The following CHCHD3 variants were observed in gnomAD, a reference collection of about 807,000 sequenced individuals.
CHCHD3 encodes the protein coiled-coil-helix-coiled-coil-helix domain containing 3, also known as MICOS complex subunit MIC19.
CHCHD3 carries 20 observed loss-of-function variants against 38.2 expected under a neutral mutation model. The observed-to-expected ratio is 0.52, with a 90% confidence interval of 0.37 to 0.76. CHCHD3 has a LOEUF of 0.76. CHCHD3 is among the 30% of genes least tolerant of loss of function. The pLI, the probability that CHCHD3 is intolerant of heterozygous loss-of-function variation, is 0.00. For missense variants in CHCHD3, 245 were observed against 279.2 expected, an observed-to-expected ratio of 0.88 and a Z score of 0.87; for synonymous variants, 82 against 100.0, an observed-to-expected ratio of 0.82 and a Z score of 1.07.
At chr7:132,792,138 C>G (rs1806476978) in intron 7 of CHCHD3, among the ~76,000 whole-genome samples, 1 of 152,148 alleles carries the variant, frequency 6.6e-6, no homozygotes, top group South Asian at 2.1e-4. Flanking sequence ...GCCTCTGGTC[C>G]CAGTTTGCCC....
chr7:132,812,571 C>A (rs1413697336), intron 6 of CHCHD3, among the ~76,000 whole-genome samples: 1 of 152,214 alleles, frequency 6.6e-6, no homozygotes, highest in Non-Finnish European at 1.5e-5. Context: ...TAACCACTTG[C>A]CTGGACTATT....
intron 4 of CHCHD3, among the ~76,000 whole-genome samples, chr7:132,950,682 T>C (rs574692569): frequency 3.9e-5 from 6 of 152,296 alleles, no homozygotes; most frequent in African/African-American, 1.4e-4. Context: ...TTTTTTTCAT[T>C]AACTATTTTA....
At chr7:132,927,912 G>A (rs962790664) in intron 4 of CHCHD3, among the ~76,000 whole-genome samples, 7 of 152,224 alleles carry the variant, frequency 4.6e-5, no homozygotes, top group Admixed American at 3.9e-4. Context: ...TACCCTGAAG[G>A]ATCTCCTAAC....
chr7:132,983,916 G>C (rs1350190147), intron 3 of CHCHD3, among the ~76,000 whole-genome samples: 1 of 151,844 alleles, frequency 6.6e-6, no homozygotes, highest in Non-Finnish European at 1.5e-5. Flanking sequence ...TGCATGTTTT[G>C]AGAAATACCT....
intron 1 of CHCHD3, among the ~76,000 whole-genome samples, chr7:133,071,039 A>G (rs1320724801): frequency 6.6e-6 from 1 of 152,212 alleles, no homozygotes; most frequent in East Asian, 1.9e-4. Context: ...TAGACATCCA[A>G]GTGGAGATAT....
intron 3 of CHCHD3, among the ~76,000 whole-genome samples, chr7:132,987,686 G>C (rs764824085): frequency 6.6e-6 from 1 of 152,176 alleles, no homozygotes; most frequent in Non-Finnish European, 1.5e-5. Context: ...ACCCATCTAA[G>C]ATATAGTCAC....
intron 6 of CHCHD3, among the ~76,000 whole-genome samples, chr7:132,829,554 T>C (rs1389561503): frequency 6.6e-6 from 1 of 152,196 alleles, no homozygotes; most frequent in Non-Finnish European, 1.5e-5. Context: ...ATCATTTACA[T>C]GTTTACACAT....
Position 133,035,347 on chromosome 7 carries a change from G to A in CHCHD3, c.170-10720C>T, listed in dbSNP as rs1813640364. 1 of 1,610,078 alleles carries A rather than the reference G, an allele frequency of 6.2e-7. No individual in the cohort carries two copies. Among genetic ancestry groups the A allele is most frequent in the African/African-American group, 1.3e-5 (1 of 74,954 alleles). Reference sequence around the variant, plus strand: ...AACTGGGGCTGGTTAATGCAGGTGAGGAACCAGCGGTTGGTATTGCGAAAG... The same window carrying A: ...AACTGGGGCTGGTTAATGCAGGTGAAGAACCAGCGGTTGGTATTGCGAAAG... On this transcript the variant is annotated intron_variant, in intron 2 of 7. Transcript: ENST00000262570. The surrounding 1 kb of genome is among the most constrained non-coding windows in gnomAD (Gnocchi z 4.7).
At chr7:133,021,100 A>G (rs1013652270) in intron 3 of CHCHD3, among the ~76,000 whole-genome samples, 5 of 152,182 alleles carry the variant, frequency 3.3e-5, no homozygotes, top group African/African-American at 1.2e-4. Context: ...AACATTGTCA[A>G]ATGCCCCCTG....
intron 2 of CHCHD3, among the ~76,000 whole-genome samples, chr7:133,064,926 G>C (rs976033993): frequency 6.6e-6 from 1 of 152,018 alleles, no homozygotes; most frequent in East Asian, 1.9e-4. Flanking sequence ...TTCAGCGGTA[G>C]GTAGGGTCAA....
intron 4 of CHCHD3, among the ~76,000 whole-genome samples, chr7:132,898,389 C>T (rs2117197333): frequency 6.6e-6 from 1 of 152,356 alleles, no homozygotes; most frequent in African/African-American, 2.4e-5. Flanking sequence ...ACGTCCCCAT[C>T]AGATTAGCTA....
chr7:132,934,317 C>A (rs1281811067), intron 4 of CHCHD3, among the ~76,000 whole-genome samples: 1 of 152,114 alleles, frequency 6.6e-6, no homozygotes, highest in African/African-American at 2.4e-5. Context: ...AGTTACAGGC[C>A]TTTCACAAAT....
intron 4 of CHCHD3, among the ~76,000 whole-genome samples, chr7:132,956,301 T>C (rs184378352): frequency 1.4e-4 from 22 of 152,336 alleles, no homozygotes; most frequent in Admixed American, 1.1e-3. Context: ...ACGTAAGCTC[T>C]ATTAAGGCAA....
chr7:132,913,406 G>A (rs1320205576), intron 4 of CHCHD3, among the ~76,000 whole-genome samples: 1 of 152,148 alleles, frequency 6.6e-6, no homozygotes, highest in Non-Finnish European at 1.5e-5. Context: ...CCTAAGGGAG[G>A]TAAATTTAGA....
intron 4 of CHCHD3, among the ~76,000 whole-genome samples, chr7:132,944,442 A>G (rs529538072): frequency 1.3e-5 from 2 of 152,000 alleles, no homozygotes; most frequent in East Asian, 3.9e-4. Context: ...AAAAAAGAAA[A>G]CACCACAAAT....
At chr7:133,054,314 C>G (rs934706080) in intron 2 of CHCHD3, among the ~76,000 whole-genome samples, 3 of 152,182 alleles carry the variant, frequency 2.0e-5, no homozygotes, top group African/African-American at 7.2e-5. Flanking sequence ...CAGTATTTCT[C>G]TGACAGAGAG....
At chr7:132,993,424 G>C (rs770326342) in intron 3 of CHCHD3, among the ~76,000 whole-genome samples, 2 of 152,154 alleles carry the variant, frequency 1.3e-5, no homozygotes, top group Non-Finnish European at 2.9e-5. Flanking sequence ...AGTAGTAATC[G>C]TTGTCAATGC....
chr7:132,785,456 G>A lies in CHCHD3; in HGVS notation c.*181C>T. 1 of 644,756 alleles carries A rather than the reference G, an allele frequency of 1.6e-6. No homozygotes were observed. Among genetic ancestry groups the A allele is most frequent in the South Asian group, 2.0e-5 (1 of 51,180 alleles). 39.9% of individuals were successfully genotyped at this position (644,756 alleles called of 1,614,324 possible). A position where few individuals can be genotyped will look rare whatever the true frequency, so the allele number is the denominator to read the frequency against. ...TGACTGATCCCTGATCAAGGCTTTG[G>A]CCCTTCAAACTGCTGCTGTTCAAAA... On this transcript the variant is annotated 3_prime_UTR_variant, in exon 8 of 8. Transcript: ENST00000262570.
chr7:133,015,348 TTAAATAAATAAA>T (rs3049326), intron 3 of CHCHD3, among the ~76,000 whole-genome samples: 180 of 143,984 alleles, frequency 1.3e-3, no homozygotes, highest in African/African-American at 4.1e-3. Flanking sequence ...GTCTCAAAAA[TTAAATAAATAAA>T]TAAATAAATA....
Sources: gnomAD v4.1 joint callset for allele counts (sites outside exome capture counted in the v4.1 genomes callset) on GRCh38, gnomAD v4.1.1 for gene constraint, Gnocchi (gnomAD v3.1) non-coding constraint, MANE v1.5 for transcripts, NCBI Gene and HGNC (gene_info 2026-07-23, HGNC 2026-07-21) for gene names.